The following CLSTN2 variants were observed in gnomAD, a reference collection of about 807,000 sequenced individuals.
CLSTN2 encodes the protein calsyntenin 2.
CLSTN2 carries 48 observed loss-of-function variants against 101.2 expected under a neutral mutation model. That is an observed-to-expected ratio of 0.47 (90% CI 0.38 to 0.60). The LOEUF is 0.60. Ranked by LOEUF, CLSTN2 falls within the 20% of genes least tolerant of loss-of-function variation. The pLI is 0.00. For missense variants in CLSTN2, 1,160 were observed against 1,238.2 expected (o/e 0.94, Z 0.95); for synonymous variants, 481 against 463.6 (o/e 1.04, Z -0.48).
At chr3:140,151,852 G>C (rs2009871686) in intron 1 of CLSTN2, among the ~76,000 whole-genome samples, 1 of 152,182 alleles carries the variant, frequency 6.6e-6, no homozygotes, top group African/African-American at 2.4e-5. Flanking sequence ...AGTGGGGGTA[G>C]AAAGCTGATT....
At chr3:140,212,305 G>C (rs1315602983) in intron 2 of CLSTN2, among the ~76,000 whole-genome samples, 1 of 152,186 alleles carries the variant, frequency 6.6e-6, no homozygotes. Context: ...TAGGGGAGCT[G>C]GTGACTGATG....
In CLSTN2 at chr3:140,459,815, G is replaced by A. The variant is rs754310128; in HGVS notation, c.1222+46G>A. 6.2e-6 allele frequency: 10 copies of A among 1,605,516 alleles called. No homozygotes were observed. The Admixed American group carries it at 1.2e-4, about 19-fold the overall frequency. On this transcript the variant is annotated intron_variant, in intron 7 of 16. Transcript: ENST00000458420. ...TTCCACCCCTCCTACCCCAGCAGCTGCCCATTTTGTCACAGGTGGCTGGAC... is the reference window on the plus strand; with the variant it reads ...TTCCACCCCTCCTACCCCAGCAGCTACCCATTTTGTCACAGGTGGCTGGAC...
chr3:140,453,934 C>A (rs1933317398), intron 6 of CLSTN2, among the ~76,000 whole-genome samples: 1 of 152,152 alleles, frequency 6.6e-6, no homozygotes, highest in South Asian at 2.1e-4. Flanking sequence ...CATAACAGCC[C>A]AACTACAGGA....
chr3:140,071,356 A>T (rs1049454427), intron 1 of CLSTN2, among the ~76,000 whole-genome samples: 6 of 152,238 alleles, frequency 3.9e-5, no homozygotes, highest in African/African-American at 1.2e-4. Context: ...CTAAAAAAAA[A>T]ATCCTGTTCA....
At chr3:140,102,719 A>C (rs2008988345) in intron 1 of CLSTN2, among the ~76,000 whole-genome samples, 1 of 152,104 alleles carries the variant, frequency 6.6e-6, no homozygotes, top group African/African-American at 2.4e-5. Flanking sequence ...CCAGGTGTTG[A>C]TGGAAGAGAC....
In CLSTN2 at chr3:140,043,093, C is replaced by T. The variant is rs545378816; in HGVS notation, c.109+107610C>T. ...GTCTAGTTCTAGATCCCTGAGGAATCGCCACACTGTCTTCCACAATGGTTG... is the reference window on the plus strand; with the variant it reads ...GTCTAGTTCTAGATCCCTGAGGAATTGCCACACTGTCTTCCACAATGGTTG... On this transcript the variant is annotated intron_variant, in intron 1 of 16. Coordinates refer to ENST00000458420, the MANE Select transcript of CLSTN2 (RefSeq NM_022131.3). Among the ~76,000 whole-genome samples, 12 of 152,308 alleles carry T rather than the reference C, an allele frequency of 7.9e-5. No individual in the cohort carries two copies. The South Asian group carries it at 1.2e-3, about 16-fold the overall frequency.
At chr3:140,360,026 A>G (rs1033125467) in intron 2 of CLSTN2, among the ~76,000 whole-genome samples, 73 of 151,526 alleles carry the variant, frequency 4.8e-4, no homozygotes, top group African/African-American at 1.6e-3. Context: ...ACACACACAC[A>G]CATATATATA....
chr3:140,427,688 G>C (rs2088587534), intron 5 of CLSTN2, among the ~76,000 whole-genome samples: 1 of 152,238 alleles, frequency 6.6e-6, no homozygotes, highest in South Asian at 2.1e-4. Context: ...CTGCTAGATA[G>C]CCTGTGGGGA....
At chr3:140,250,872 C>T (rs549339409) in intron 2 of CLSTN2, among the ~76,000 whole-genome samples, 2 of 151,972 alleles carry the variant, frequency 1.3e-5, no homozygotes, top group African/African-American at 4.8e-5. Flanking sequence ...TCAAAGGTTG[C>T]TTTTTTTTGG....
intron 1 of CLSTN2, among the ~76,000 whole-genome samples, chr3:139,991,870 C>G (rs965019577): frequency 3.3e-5 from 5 of 152,190 alleles, no homozygotes; most frequent in African/African-American, 1.2e-4. Flanking sequence ...TGCTTTCTTC[C>G]TTACCCTCCC....
chr3:140,545,227 G>A (rs1935563269), intron 9 of CLSTN2, among the ~76,000 whole-genome samples: 1 of 152,118 alleles, frequency 6.6e-6, no homozygotes, highest in African/African-American at 2.4e-5. Flanking sequence ...GAAGTTGCAG[G>A]GGTGTCATTT....
At chr3:140,532,257 G>A in intron 8 of CLSTN2, 67 bp from the exon 9 acceptor site, 2 of 1,369,436 alleles carry the variant, frequency 1.5e-6, no homozygotes, top group Non-Finnish European at 2.0e-6. Context: ...CTTTCATAGA[G>A]TAAAAGCCTG....
At chr3:140,176,114 G>A (rs758497858) in intron 2 of CLSTN2, 41 bp downstream of exon 2, 8 of 1,608,676 alleles carry the variant, frequency 5.0e-6, no homozygotes, top group Non-Finnish European at 6.8e-6. Flanking sequence ...GGCTCACTTT[G>A]AAGATGTGCT....
At chr3:140,452,181 C>T (rs1335674725) in intron 6 of CLSTN2, among the ~76,000 whole-genome samples, 1 of 152,100 alleles carries the variant, frequency 6.6e-6, no homozygotes, top group African/African-American at 2.4e-5. Flanking sequence ...CTGGTGTGGA[C>T]ACCACATTCT....
chr3:140,098,042 T>G (rs904824122), intron 1 of CLSTN2, among the ~76,000 whole-genome samples: 1 of 152,110 alleles, frequency 6.6e-6, no homozygotes, highest in Non-Finnish European at 1.5e-5. Context: ...TAATACAAGC[T>G]GAATAAATCT....
At chr3:140,466,520 G>GC in intron 7 of CLSTN2, 90 bp from the exon 8 acceptor site, 1 of 1,517,812 alleles carries the variant, frequency 6.6e-7, no homozygotes, top group Non-Finnish European at 9.1e-7. Flanking sequence ...TGTCCTCTGT[G>GC]CTGTGCTAAG....
intron 2 of CLSTN2, among the ~76,000 whole-genome samples, chr3:140,279,995 A>C (rs750641767): frequency 7.2e-5 from 11 of 152,208 alleles, no homozygotes; most frequent in Non-Finnish European, 1.5e-5. Flanking sequence ...GTCCCCAGCC[A>C]GTCCATTTCA....
intron 1 of CLSTN2, among the ~76,000 whole-genome samples, chr3:140,134,390 A>G (rs1485707146): frequency 6.6e-6 from 1 of 152,158 alleles, no homozygotes; most frequent in African/African-American, 2.4e-5. Flanking sequence ...GACATCAGAC[A>G]GAACAACTCC....
At chr3:140,254,538 A>T (rs1019365052) in intron 2 of CLSTN2, among the ~76,000 whole-genome samples, 1 of 152,180 alleles carries the variant, frequency 6.6e-6, no homozygotes, top group Non-Finnish European at 1.5e-5. Context: ...TGTGTATCCT[A>T]TGTGGTCCTC....
Sources: allele counts gnomAD v4.1 joint callset (sites outside exome capture counted in the v4.1 genomes callset), GRCh38; gene constraint gnomAD v4.1.1; transcripts MANE v1.5; gene names NCBI Gene and HGNC (gene_info 2026-07-23, HGNC 2026-07-21).